Variants in GPHN observed in about 807,000 individuals in gnomAD.
GPHN encodes gephyrin.
In GPHN, 17 loss-of-function variants were observed where a neutral mutation model predicts 95.5. The ratio of observed to expected loss-of-function variants is 0.18; its 90% CI spans 0.12 to 0.27. The LOEUF (loss-of-function observed/expected upper bound fraction) is 0.27, where lower values mean the gene tolerates loss of function less well. GPHN is among the 10% of genes least tolerant of loss of function. The pLI is 1.00. For missense variants in GPHN, 660 were observed against 978.1 expected (o/e 0.67, Z 4.34); for synonymous variants, 320 against 322.5 (o/e 0.99, Z 0.08).
chr14:67,637,988 G>A, the GPHN span, among the ~76,000 whole-genome samples: 1 of 152,146 alleles, frequency 6.6e-6, no homozygotes, highest in Non-Finnish European at 1.5e-5. Flanking sequence ...CTCTCCCGCT[G>A]CCTTGAACCT....
intron 10 of GPHN, among the ~76,000 whole-genome samples, chr14:67,031,142 C>T (rs974730374): frequency 1.3e-5 from 2 of 152,118 alleles, no homozygotes; most frequent in African/African-American, 4.8e-5. Context: ...ATTACTACCT[C>T]TTGCCTGGAG....
intron 9 of GPHN, among the ~76,000 whole-genome samples, chr14:66,974,652 G>A (rs2070087683): frequency 6.6e-6 from 1 of 152,038 alleles, no homozygotes; most frequent in African/African-American, 2.4e-5. Context: ...TAAAAAAAAT[G>A]TACTTACTCA....
chr14:66,519,319 T>C (rs1194077482), intron 1 of GPHN, among the ~76,000 whole-genome samples: 2 of 152,048 alleles, frequency 1.3e-5, no homozygotes, highest in Admixed American at 6.6e-5. Context: ...AAAAATCTTT[T>C]TGTTTATTCT....
chr14:66,885,629 G>T (rs2064148905), intron 5 of GPHN, among the ~76,000 whole-genome samples: 1 of 152,024 alleles, frequency 6.6e-6, no homozygotes, highest in Admixed American at 6.6e-5. Flanking sequence ...GATTTATAAG[G>T]ACAGTACCTA....
In GPHN at chr14:66,692,613, C is replaced by A. The variant is rs112919289; in HGVS notation, c.143+11428C>A. The stretch of plus-strand genomic sequence containing the variant: ...ACAGATGTCTACCTTTTTTTCTTAT[C>A]GAACAGTTTTCTATAATATTTGCTA... On this transcript the variant is annotated intron_variant, in intron 2 of 22. Coordinates refer to ENST00000478722, the MANE Select transcript of GPHN (RefSeq NM_020806.5). Among the ~76,000 whole-genome samples, 4 of 151,988 alleles carry A rather than the reference C, an allele frequency of 2.6e-5. 2 individuals are homozygous for A. Among genetic ancestry groups the A allele is most frequent in the African/African-American group, 9.6e-5 (4 of 41,462 alleles).
At chr14:66,566,850 T>C (rs756173952) in intron 1 of GPHN, among the ~76,000 whole-genome samples, 4 of 152,208 alleles carry the variant, frequency 2.6e-5, no homozygotes, top group Non-Finnish European at 2.9e-5. Context: ...TTGGGACTTA[T>C]CAGAGAGTTA....
the GPHN span, among the ~76,000 whole-genome samples, chr14:67,560,752 C>G: frequency 1.7e-5 from 2 of 117,620 alleles, no homozygotes; most frequent in East Asian, 4.5e-4. Context: ...TTTTTTGAGA[C>G]GGAGTCTCGC....
chr14:67,620,172 G>A, the GPHN span: 16 of 988,064 alleles, frequency 1.6e-5, no homozygotes, highest in African/African-American at 1.9e-4. Flanking sequence ...GCGGGGGACC[G>A]GGAGGCGAGG....
chr14:67,185,446 G>A (rs1171606205), downstream of GPHN, among the ~76,000 whole-genome samples: 5 of 152,146 alleles, frequency 3.3e-5, no homozygotes, highest in Non-Finnish European at 5.9e-5. Flanking sequence ...TACTTGGCAC[G>A]GTGGACATCA....
chr14:66,567,771 G>T (rs951262152), intron 1 of GPHN, among the ~76,000 whole-genome samples: 1 of 152,088 alleles, frequency 6.6e-6, no homozygotes, highest in African/African-American at 2.4e-5. Context: ...TTTTGTTGTA[G>T]AATATTATGT....
intron 9 of GPHN, among the ~76,000 whole-genome samples, chr14:67,002,998 C>G (rs2072343990): frequency 6.6e-6 from 1 of 151,540 alleles, no homozygotes; most frequent in Non-Finnish European, 1.5e-5. Flanking sequence ...ACTTCTTTTT[C>G]CTAGTCATTG....
the GPHN span, chr14:67,382,563 G>A: frequency 1.9e-6 from 3 of 1,613,966 alleles, no homozygotes; most frequent in Admixed American, 5.0e-5. Context: ...TTGAGGAAAA[G>A]AGGGGTGTGT....
chr14:67,537,382 A>AAT, the GPHN span, among the ~76,000 whole-genome samples: 2,830 of 93,372 alleles, frequency 0.03, 72 homozygotes, highest in East Asian at 0.041. Flanking sequence ...ATAATAATAA[A>AAT]AACTTAATCT....
chr14:67,080,658 C>G (rs1033805675), intron 11 of GPHN, among the ~76,000 whole-genome samples: 4 of 152,054 alleles, frequency 2.6e-5, no homozygotes, highest in African/African-American at 9.7e-5. Context: ...TGTTTGTTTA[C>G]ATGAGTAAGT....
chr14:66,683,394 G>A (rs368700510), intron 2 of GPHN, among the ~76,000 whole-genome samples: 4 of 84,526 alleles, frequency 4.7e-5, no homozygotes, highest in Admixed American at 1.4e-4. Context: ...ATATATATAT[G>A]TTCATATATA....
At chr14:67,693,522 A>G in the GPHN span, among the ~76,000 whole-genome samples, 1 of 151,794 alleles carries the variant, frequency 6.6e-6, no homozygotes, top group Non-Finnish European at 1.5e-5. Flanking sequence ...AACAAGAAAA[A>G]AAAAACACAC....
intron 10 of GPHN, among the ~76,000 whole-genome samples, chr14:67,026,885 G>T (rs184665502): frequency 6.6e-6 from 1 of 152,066 alleles, no homozygotes; most frequent in South Asian, 2.1e-4. Flanking sequence ...CTCGTGATCC[G>T]CCCACCTCGG....
At chr14:66,626,382 C>T (rs991127463) in intron 1 of GPHN, among the ~76,000 whole-genome samples, 1 of 152,080 alleles carries the variant, frequency 6.6e-6, no homozygotes, top group African/African-American at 2.4e-5. Context: ...AAGGCATTCA[C>T]ATTCATTTAA....
At chr14:66,935,633 A>G (rs1031808949) in intron 8 of GPHN, among the ~76,000 whole-genome samples, 1 of 151,734 alleles carries the variant, frequency 6.6e-6, no homozygotes, top group African/African-American at 2.4e-5. Flanking sequence ...CAGGAGAATC[A>G]CTTAACATAT....
Sources: gnomAD v4.1 joint callset for allele counts (sites outside exome capture counted in the v4.1 genomes callset) on GRCh38, gnomAD v4.1.1 for gene constraint, MANE v1.5 for transcripts, NCBI Gene and HGNC (gene_info 2026-07-23, HGNC 2026-07-21) for gene names.